The following DTHD1 variants were observed in gnomAD, a reference collection of about 807,000 sequenced individuals.
DTHD1 encodes the protein death domain-containing protein 1.
A neutral mutation model predicts 74.8 loss-of-function variants in DTHD1; 59 were observed. The ratio of observed to expected loss-of-function variants is 0.79; its 90% CI spans 0.64 to 0.98. The LOEUF (loss-of-function observed/expected upper bound fraction) is 0.98. DTHD1 is among the 50% of genes least tolerant of loss of function. The pLI is 0.00. For synonymous variants in DTHD1, 365 were observed against 371.1 expected, an observed-to-expected ratio of 0.98 and a Z score of 0.19; for missense variants, 1,051 against 1,065.4, an observed-to-expected ratio of 0.99 and a Z score of 0.19.
chr4:36,307,018 C>A (rs138647023), intron 6 of DTHD1, among the ~76,000 whole-genome samples: 1 of 152,198 alleles, frequency 6.6e-6, no homozygotes, highest in African/African-American at 2.4e-5. Flanking sequence ...TAGCCTGACA[C>A]GCTCCGGGGA....
intron 5 of DTHD1, among the ~76,000 whole-genome samples, chr4:36,297,710 A>T (rs1284899494): frequency 2.0e-5 from 3 of 152,058 alleles, no homozygotes; most frequent in Non-Finnish European, 4.4e-5. Flanking sequence ...GTTGTATCGT[A>T]TGTCTGGGAA....
At chr4:36,326,705 T>C (rs1758367034) in intron 8 of DTHD1, among the ~76,000 whole-genome samples, 1 of 152,198 alleles carries the variant, frequency 6.6e-6, no homozygotes, top group South Asian at 2.1e-4. Flanking sequence ...GAAAAAGCAA[T>C]TGAAGGTGGA....
At chr4:36,294,736 G>A in intron 4 of DTHD1, 59 bp from the exon 5 acceptor site, 1 of 1,446,336 alleles carries the variant, frequency 6.9e-7, no homozygotes, top group Non-Finnish European at 9.1e-7. Context: ...GATTAGAAAT[G>A]TACCAATAGT....
chr4:36,324,922 T>C (rs1758253556), intron 8 of DTHD1, among the ~76,000 whole-genome samples: 1 of 151,948 alleles, frequency 6.6e-6, no homozygotes, highest in Non-Finnish European at 1.5e-5. Context: ...GGGAGCAAAA[T>C]GATTGCAGAG....
At chr4:36,300,803 T>G (rs764761148) in intron 5 of DTHD1, among the ~76,000 whole-genome samples, 8 of 152,230 alleles carry the variant, frequency 5.3e-5, no homozygotes, top group Non-Finnish European at 1.2e-4. Context: ...CAGGCAAATC[T>G]CATTTAATAG....
At chr4:36,332,476 G>C (rs545906811) in intron 8 of DTHD1, among the ~76,000 whole-genome samples, 52 of 152,268 alleles carry the variant, frequency 3.4e-4, no homozygotes, top group African/African-American at 1.2e-3. Flanking sequence ...GCACTATGAT[G>C]ATGGGATATC....
chr4:36,294,309 G>A (rs549376672), intron 4 of DTHD1, among the ~76,000 whole-genome samples: 1 of 151,958 alleles, frequency 6.6e-6, no homozygotes, highest in Admixed American at 6.6e-5. Context: ...AAGTGAAGAA[G>A]AACGATTAGG....
At position 36,308,245 on chromosome 4, in the gene DTHD1, A is replaced by G; in HGVS notation, c.1847A>G (p.His616Arg). 6.4e-7 allele frequency: 1 copy of G among 1,552,282 alleles called. No individual in the cohort carries two copies. Among genetic ancestry groups the G allele is most frequent in the South Asian group, 1.2e-5 (1 of 84,062 alleles). Residue 616 changes from histidine to arginine, a missense_variant, in exon 7 of 10, where the codon CAT becomes CGT. By Grantham distance (29) the His-to-Arg change is conservative (BLOSUM62 0). Transcript: ENST00000639862. ...LHLSSTMDNSHLVTFVKSLEE... is the reference protein window; with the variant it reads ...LHLSSTMDNSRLVTFVKSLEE... ...CTCTCTTCCACCATGGACAATAGTCATTTGGTTACTTTTGTGAAATCTTTA... is the reference window on the plus strand; with the variant it reads ...CTCTCTTCCACCATGGACAATAGTCGTTTGGTTACTTTTGTGAAATCTTTA...
At chr4:36,328,302 C>T (rs1294635061) in intron 8 of DTHD1, among the ~76,000 whole-genome samples, 4 of 152,200 alleles carry the variant, frequency 2.6e-5, no homozygotes, top group African/African-American at 9.6e-5. Flanking sequence ...ATTTCCAGAC[C>T]TCTCTATGTG....
In DTHD1 at chr4:36,344,047, C is replaced by T. The variant is rs13118055; in HGVS notation, c.*223C>T. ...TGGTTGAGTGATTATGTTTTGCAAC[C>T]ATGACTGTCTTGAGTTTGGCCTCAC... On this transcript the variant is annotated 3_prime_UTR_variant, in exon 10 of 10. Coordinates refer to ENST00000639862, the MANE Select transcript of DTHD1 (RefSeq NM_001170700.3). 83,239 of 519,516 alleles carry T rather than the reference C, an allele frequency of 0.16. 7,518 individuals carry two copies. Among genetic ancestry groups the T allele is most frequent in the Non-Finnish European group, 0.18 (54,061 of 295,436 alleles). The allele number at this position is 519,516 out of a possible 1,614,324, so 32.2% of individuals were successfully genotyped here.
intron 7 of DTHD1, chr4:36,311,235 G>C (rs890061547): frequency 6.6e-6 from 1 of 152,186 alleles, no homozygotes; most frequent in Non-Finnish European, 1.5e-5. Flanking sequence ...AAAATGAGCA[G>C]GCAGGATACC....
intron 7 of DTHD1, among the ~76,000 whole-genome samples, chr4:36,312,639 C>G (rs1160366666): frequency 6.6e-6 from 1 of 151,022 alleles, no homozygotes; most frequent in Non-Finnish European, 1.5e-5. Flanking sequence ...AATCCTATCT[C>G]AGGGAGTTTA....
intron 5 of DTHD1, among the ~76,000 whole-genome samples, chr4:36,298,509 T>C (rs947900963): frequency 1.3e-4 from 20 of 152,172 alleles, no homozygotes; most frequent in African/African-American, 4.6e-4. Flanking sequence ...TGAGACTCCA[T>C]CTCAACTGTT....
At chr4:36,322,140 T>G (rs1758066125) in intron 8 of DTHD1, among the ~76,000 whole-genome samples, 1 of 152,108 alleles carries the variant, frequency 6.6e-6, no homozygotes, top group Non-Finnish European at 1.5e-5. Context: ...CTAAGTCATT[T>G]CTCCGTTTTT....
In DTHD1 at chr4:36,343,957, G is replaced by A; in HGVS notation, c.*133G>A. The A allele has an allele frequency of 1.1e-6, 1 of 869,814 alleles. No homozygotes were observed. Among genetic ancestry groups the A allele is most frequent in the Non-Finnish European group, 1.7e-6 (1 of 583,640 alleles). 53.9% of individuals were successfully genotyped at this position (869,814 alleles called of 1,614,324 possible). ...ATTTAATGATGTGCTATTTAATGATGTGAGACAAAGGGAGAAGCACGGATC... is the reference window on the plus strand; with the variant it reads ...ATTTAATGATGTGCTATTTAATGATATGAGACAAAGGGAGAAGCACGGATC... On this transcript the variant is annotated 3_prime_UTR_variant, in exon 10 of 10. Coordinates refer to ENST00000639862, the MANE Select transcript of DTHD1 (RefSeq NM_001170700.3).
At chr4:36,336,479 A>C (rs1759015923) in intron 8 of DTHD1, among the ~76,000 whole-genome samples, 1 of 152,196 alleles carries the variant, frequency 6.6e-6, no homozygotes, top group Non-Finnish European at 1.5e-5. Flanking sequence ...GAGTTTAAGA[A>C]GGAAAAGGTG....
rs534366515 is a variant in DTHD1, at chr4:36,287,127, C to A, written c.887+2536C>A. 3.3e-5 allele frequency among the ~76,000 whole-genome samples: 5 copies of A among 152,212 alleles called. No individual in the cohort carries two copies. In the East Asian group the frequency reaches 9.7e-4, roughly 29 times the overall value. ...ATGTGTAGTCTTTTATCCCTCACCT[C>A]CCTCCCACCCTTTCCCCAGAGTCCC... On this transcript the variant is annotated intron_variant, in intron 2 of 9. Transcript: ENST00000639862.
At chr4:36,307,162 A>G (rs577633392) in intron 6 of DTHD1, among the ~76,000 whole-genome samples, 1 of 152,366 alleles carries the variant, frequency 6.6e-6, no homozygotes, top group Admixed American at 6.5e-5. Context: ...GAGAATGGGT[A>G]GCCCAGTCCA....
chr4:36,340,236 C>T (rs1168167875), intron 9 of DTHD1, among the ~76,000 whole-genome samples: 1 of 152,116 alleles, frequency 6.6e-6, no homozygotes, highest in Non-Finnish European at 1.5e-5. Flanking sequence ...GTTTTAAATG[C>T]CAAATAAAGA....
Sources: gnomAD v4.1 joint callset for allele counts (sites outside exome capture counted in the v4.1 genomes callset) on GRCh38, gnomAD v4.1.1 for gene constraint, MANE v1.5 for transcripts, NCBI Gene and HGNC (gene_info 2026-07-23, HGNC 2026-07-21) for gene names.